Variants in NEGR1 observed in about 807,000 individuals in gnomAD.
NEGR1 encodes the protein neuronal growth regulator 1.
In NEGR1, 10 loss-of-function variants were observed where a neutral mutation model predicts 40.9. That is an observed-to-expected ratio of 0.24 (90% CI 0.15 to 0.42). The LOEUF is 0.42. Ranked by LOEUF, NEGR1 falls within the 10% of genes least tolerant of loss-of-function variation. The probability of loss-of-function intolerance (pLI) is 1.00; values close to 1 mark genes in which losing one functional copy is unlikely to be tolerated. For synonymous variants in NEGR1, 185 were observed against 166.8 expected (o/e 1.11, Z -0.84); for missense variants, 352 against 438.9 (o/e 0.80, Z 1.77).
At chr1:71,873,249 C>G (rs569014490) in intron 2 of NEGR1, among the ~76,000 whole-genome samples, 1 of 149,948 alleles carries the variant, frequency 6.7e-6, no homozygotes, top group South Asian at 2.1e-4. Context: ...GTTTGGAAAA[C>G]ATATGTAAAT....
chr1:71,823,001 A>G (rs535430289), intron 2 of NEGR1, among the ~76,000 whole-genome samples: 1 of 152,106 alleles, frequency 6.6e-6, no homozygotes, highest in Admixed American at 6.6e-5. Context: ...CATGCATTCA[A>G]TCAAAGACCT....
intron 1 of NEGR1, among the ~76,000 whole-genome samples, chr1:72,018,444 T>G (rs989510142): frequency 6.6e-6 from 1 of 152,144 alleles, no homozygotes; most frequent in Non-Finnish European, 1.5e-5. Context: ...TTACTGAATT[T>G]GTCGAAAAAT....
At chr1:71,971,555 T>C (rs1277650694) in intron 1 of NEGR1, among the ~76,000 whole-genome samples, 1 of 152,240 alleles carries the variant, frequency 6.6e-6, no homozygotes, top group East Asian at 1.9e-4. Flanking sequence ...TCAGTTCATG[T>C]AAGTGCTGTT....
intron 1 of NEGR1, among the ~76,000 whole-genome samples, chr1:71,976,694 A>G (rs1646307330): frequency 6.6e-6 from 1 of 152,164 alleles, no homozygotes; most frequent in Non-Finnish European, 1.5e-5. Context: ...TTTATTGTGC[A>G]ATTTTTTTAT....
At chr1:71,849,982 A>G (rs796183982) in intron 2 of NEGR1, among the ~76,000 whole-genome samples, 1 of 152,200 alleles carries the variant, frequency 6.6e-6, no homozygotes, top group African/African-American at 2.4e-5. Context: ...TATTTACTTT[A>G]TTACAGTGGT....
chr1:71,469,792 A>C (rs1160896021), intron 6 of NEGR1, among the ~76,000 whole-genome samples: 3 of 152,090 alleles, frequency 2.0e-5, no homozygotes, highest in East Asian at 3.9e-4. Flanking sequence ...AAAAGGTAGT[A>C]TGTCTCTGAG....
At chr1:71,993,263 T>C (rs558626939) in intron 1 of NEGR1, among the ~76,000 whole-genome samples, 41 of 152,304 alleles carry the variant, frequency 2.7e-4, no homozygotes, top group African/African-American at 9.9e-4. Context: ...TCTTTGAATA[T>C]CTAAAAGAAC....
chr1:72,236,418 C>T (rs956413184), intron 1 of NEGR1, among the ~76,000 whole-genome samples: 6 of 151,186 alleles, frequency 4.0e-5, no homozygotes, highest in Non-Finnish European at 5.9e-5. Context: ...TATCCCAGAA[C>T]TTAAAGTATA....
intron 1 of NEGR1, among the ~76,000 whole-genome samples, chr1:72,230,638 C>A (rs1012131925): frequency 5.9e-5 from 9 of 151,970 alleles, no homozygotes; most frequent in African/African-American, 2.2e-4. Flanking sequence ...CTCTTATAAC[C>A]AAAGTACACT....
At chr1:71,719,529 T>C (rs558081652) in intron 3 of NEGR1, among the ~76,000 whole-genome samples, 2 of 152,190 alleles carry the variant, frequency 1.3e-5, no homozygotes, top group South Asian at 4.2e-4. Context: ...TATCTTCTGG[T>C]GACGTCACAC....
intron 2 of NEGR1, among the ~76,000 whole-genome samples, chr1:71,785,226 T>C (rs1656868694): frequency 6.6e-6 from 1 of 152,184 alleles, no homozygotes; most frequent in Admixed American, 6.5e-5. Context: ...ACACTTATTG[T>C]CGTGCTGTAT....
Position 71,988,923 on chromosome 1 carries a change from T to TAAAAAAAAAAAAAAAAAAA in NEGR1, c.177-53631_177-53613dup, listed in dbSNP as rs10604833. ...CAATGAGCTCTATCATATTGGATGT[T>TAAAAAAAAAAAAAAAAAAA]AAAAAAAAAAAAAAAAAAAAAAAAA... On this transcript the variant is annotated intron_variant, in intron 1 of 6. Transcript: ENST00000357731. Among the ~76,000 whole-genome samples the TAAAAAAAAAAAAAAAAAAA allele has an allele frequency of 1.2e-3, 97 of 82,218 alleles. 4 individuals carry two copies. Among genetic ancestry groups the TAAAAAAAAAAAAAAAAAAA allele is most frequent in the African/African-American group, 5.3e-3 (92 of 17,424 alleles). The allele number at this position is 82,218 out of a possible 152,430, so 53.9% of individuals were successfully genotyped here.
intron 1 of NEGR1, among the ~76,000 whole-genome samples, chr1:72,106,484 T>C (rs1649138654): frequency 6.6e-6 from 1 of 151,996 alleles, no homozygotes; most frequent in African/African-American, 2.4e-5. Context: ...AAGTTACTCA[T>C]ACTAAATTTC....
intron 1 of NEGR1, among the ~76,000 whole-genome samples, chr1:72,031,939 GA>G (rs1646862152): frequency 6.6e-6 from 1 of 151,990 alleles, no homozygotes; most frequent in Non-Finnish European, 1.5e-5. Flanking sequence ...CATGCATTTT[GA>G]AAAAATAATC....
chr1:72,134,042 C>T (rs958340527), intron 1 of NEGR1, among the ~76,000 whole-genome samples: 9 of 151,776 alleles, frequency 5.9e-5, no homozygotes, highest in African/African-American at 2.2e-4. Context: ...ACTTTAAGTA[C>T]TAAATAATTT....
intron 2 of NEGR1, among the ~76,000 whole-genome samples, chr1:71,876,528 GAGAGAGAGAGGAGAC>G (rs1293714708): frequency 1.3e-5 from 2 of 150,920 alleles, no homozygotes; most frequent in East Asian, 2.0e-4. Flanking sequence ...AGAAAGAAGA[GAGAGAGAGAGGAGAC>G]AGAGAGAGAG....
chr1:72,187,014 T>C (rs569999982), intron 1 of NEGR1, among the ~76,000 whole-genome samples: 10 of 151,706 alleles, frequency 6.6e-5, no homozygotes, highest in Non-Finnish European at 1.0e-4. Context: ...CAATTTTCTT[T>C]TTTTCCTTTG....
At chr1:72,095,885 A>C (rs1648678141) in intron 1 of NEGR1, among the ~76,000 whole-genome samples, 2 of 152,264 alleles carry the variant, frequency 1.3e-5, no homozygotes, top group South Asian at 4.1e-4. Context: ...AGCCAAGAAA[A>C]GTATTTTCCT....
chr1:71,821,352 G>A (rs1025666920), intron 2 of NEGR1, among the ~76,000 whole-genome samples: 5 of 151,924 alleles, frequency 3.3e-5, no homozygotes, highest in African/African-American at 1.2e-4. Context: ...AAGCTTAAAG[G>A]GTCAGGCTGT....
Sources: gnomAD v4.1 joint callset for allele counts (sites outside exome capture counted in the v4.1 genomes callset) on GRCh38, gnomAD v4.1.1 for gene constraint, MANE v1.5 for transcripts, NCBI Gene and HGNC (gene_info 2026-07-23, HGNC 2026-07-21) for gene names.